Variants in DCDC2 observed in about 807,000 individuals in gnomAD.
DCDC2 encodes doublecortin domain containing 2.
A neutral mutation model predicts 50.2 loss-of-function variants in DCDC2; 40 were observed. That is an observed-to-expected ratio of 0.80 (90% confidence interval 0.62 to 1.04). The LOEUF (loss-of-function observed/expected upper bound fraction) is 1.04. Ranked by LOEUF, DCDC2 falls within the 50% of genes least tolerant of loss-of-function variation. DCDC2 has a pLI of 0.00. For missense variants in DCDC2, 570 were observed against 581.9 expected (o/e 0.98, Z 0.21); for synonymous variants, 234 against 210.6 (o/e 1.11, Z -0.96).
At chr6:24,376,758 A>AT in the DCDC2 span, among the ~76,000 whole-genome samples, 1 of 148,682 alleles carries the variant, frequency 6.7e-6, no homozygotes, top group Admixed American at 6.7e-5. Flanking sequence ...AAAAAAAAAA[A>AT]TCCTAATAAT....
At chr6:24,218,178 T>C (rs570703205) in intron 7 of DCDC2, among the ~76,000 whole-genome samples, 4 of 152,104 alleles carry the variant, frequency 2.6e-5, no homozygotes, top group Non-Finnish European at 5.9e-5. Flanking sequence ...GAATCAAACA[T>C]GAAATATCAA....
intron 7 of DCDC2, among the ~76,000 whole-genome samples, chr6:24,257,868 C>G (rs1305105048): frequency 6.6e-6 from 1 of 151,966 alleles, no homozygotes; most frequent in Admixed American, 6.6e-5. Flanking sequence ...GAGCTTAAAT[C>G]AAGGATGGTC....
chr6:24,336,672 G>A (rs912534348), intron 2 of DCDC2, among the ~76,000 whole-genome samples: 7 of 151,596 alleles, frequency 4.6e-5, no homozygotes, highest in African/African-American at 7.3e-5. Flanking sequence ...TCTCCTTTTA[G>A]TCACAGCCTG....
chr6:24,291,932 G>C (rs1217328308), intron 4 of DCDC2, among the ~76,000 whole-genome samples: 1 of 152,186 alleles, frequency 6.6e-6, no homozygotes, highest in African/African-American at 2.4e-5. Flanking sequence ...TGAGAGGGCA[G>C]GAGGTAAAAG....
chr6:24,285,460 T>C (rs945992002), intron 6 of DCDC2, among the ~76,000 whole-genome samples: 5 of 152,224 alleles, frequency 3.3e-5, no homozygotes, highest in Non-Finnish European at 7.3e-5. Flanking sequence ...CATTGATTAA[T>C]GGAATCGCTT....
At chr6:24,221,592 G>A (rs553033745) in intron 7 of DCDC2, among the ~76,000 whole-genome samples, 2 of 152,204 alleles carry the variant, frequency 1.3e-5, no homozygotes, top group African/African-American at 4.8e-5. Flanking sequence ...ACACAACATG[G>A]TCAGGTTACA....
At chr6:24,291,752 T>G (rs1763757500) in intron 4 of DCDC2, among the ~76,000 whole-genome samples, 1 of 152,156 alleles carries the variant, frequency 6.6e-6, no homozygotes, top group South Asian at 2.1e-4. Flanking sequence ...CCCAAAGTGC[T>G]GGGATTACAG....
intron 7 of DCDC2, among the ~76,000 whole-genome samples, chr6:24,212,389 T>C (rs1281977871): frequency 3.3e-5 from 5 of 152,124 alleles, no homozygotes; most frequent in African/African-American, 7.2e-5. Flanking sequence ...AAGACAGTGG[T>C]CAGAAAACCC....
rs547465702 is a variant in DCDC2, at chr6:24,352,465, A to C, written c.348+1104T>G. On this transcript the variant is annotated intron_variant, in intron 2 of 9. Transcript: ENST00000378454. ...TGTATACCTTTGTCTACTTTAAGCT[A>C]CAAAGCCTATCACTTTCATGACTAA... Among the ~76,000 whole-genome samples, 4 of 152,326 alleles carry C rather than the reference A, an allele frequency of 2.6e-5. No individual in the cohort carries two copies. In the East Asian group the frequency reaches 7.7e-4, roughly 29 times the overall value.
chr6:24,282,198 C>T (rs1368657981), intron 6 of DCDC2, among the ~76,000 whole-genome samples: 1 of 152,112 alleles, frequency 6.6e-6, no homozygotes, highest in African/African-American at 2.4e-5. Context: ...AAACAAAAAG[C>T]CTAAAACAGC....
chr6:24,209,170 T>C (rs956725258), intron 7 of DCDC2, among the ~76,000 whole-genome samples: 2 of 152,178 alleles, frequency 1.3e-5, no homozygotes, highest in African/African-American at 2.4e-5. Flanking sequence ...AGATAAAACA[T>C]TGAAAATTTA....
chr6:24,240,702 C>T (rs1294338043), intron 7 of DCDC2, among the ~76,000 whole-genome samples: 1 of 152,182 alleles, frequency 6.6e-6, no homozygotes, highest in East Asian at 1.9e-4. Flanking sequence ...CATTTAATAG[C>T]ATCACGCTGT....
intron 7 of DCDC2, among the ~76,000 whole-genome samples, chr6:24,235,966 A>T (rs112854846): frequency 6.6e-6 from 1 of 152,192 alleles, no homozygotes; most frequent in African/African-American, 2.4e-5. Context: ...ACACAAATGG[A>T]AAAACATTCC....
Position 24,339,874 on chromosome 6 carries a change from T to C in DCDC2, c.348+13695A>G, listed in dbSNP as rs552834581. On this transcript the variant is annotated intron_variant, in intron 2 of 9. Transcript: ENST00000378454. Reference sequence around the variant, plus strand: ...ACCAAATTTGATGCACACATCAAAATTGATCCACTAACTTGATGCTATAAG... The same window carrying C: ...ACCAAATTTGATGCACACATCAAAACTGATCCACTAACTTGATGCTATAAG... Among the ~76,000 whole-genome samples, 254 of 152,334 alleles carry C rather than the reference T, an allele frequency of 1.7e-3. 2 individuals are homozygous for C. The highest frequency in any genetic ancestry group is 3.1e-3 in the Non-Finnish European group (210 of 68,022).
chr6:24,235,808 C>A (rs1762430494), intron 7 of DCDC2, among the ~76,000 whole-genome samples: 1 of 152,102 alleles, frequency 6.6e-6, no homozygotes, highest in African/African-American at 2.4e-5. Context: ...TTCTACACAC[C>A]AATAATGTAC....
intron 7 of DCDC2, among the ~76,000 whole-genome samples, chr6:24,254,718 C>T (rs1044923320): frequency 6.6e-6 from 1 of 152,028 alleles, no homozygotes; most frequent in African/African-American, 2.4e-5. Flanking sequence ...ACAAAAACTC[C>T]AGGTCTAAAT....
chr6:24,294,893 C>T (rs747689155), intron 4 of DCDC2, among the ~76,000 whole-genome samples: 1 of 152,076 alleles, frequency 6.6e-6, no homozygotes, highest in Non-Finnish European at 1.5e-5. Context: ...ACCAGATGTA[C>T]AAAATGTGGT....
intron 2 of DCDC2, among the ~76,000 whole-genome samples, chr6:24,333,746 T>C (rs946080516): frequency 2.0e-5 from 3 of 152,018 alleles, no homozygotes; most frequent in African/African-American, 4.8e-5. Context: ...CTGGATGAAA[T>C]AAAATATAAA....
rs771948163 is a variant in DCDC2 at position 24,357,811 on chromosome 6, C to T, written c.-61G>A. ...GCGTCGGGAGGCACCTCCGCTGTCC[C>T]AGCGGCCTCACCGCACCCAGGGCGC... On this transcript the variant is annotated 5_prime_UTR_variant, in exon 1 of 10. Transcript: ENST00000378454. The T allele has an allele frequency of 6.2e-7, 1 of 1,607,882 alleles. No homozygotes were observed. Among genetic ancestry groups the T allele is most frequent in the South Asian group, 1.1e-5 (1 of 90,710 alleles).
Sources: gnomAD v4.1 joint callset for allele counts (sites outside exome capture counted in the v4.1 genomes callset) on GRCh38, gnomAD v4.1.1 for gene constraint, MANE v1.5 for transcripts, NCBI Gene and HGNC (gene_info 2026-07-23, HGNC 2026-07-21) for gene names.